Variants in TTC34 observed in about 807,000 individuals in gnomAD.
The protein encoded by TTC34 is tetratricopeptide repeat domain 34.
A neutral mutation model predicts 40.7 loss-of-function variants in TTC34; 44 were observed. The observed-to-expected ratio is 1.08, with a 90% CI of 0.85 to 1.39. The LOEUF (loss-of-function observed/expected upper bound fraction) is 1.39, where lower values mean the gene tolerates loss of function less well. Among genes scored for constraint, TTC34 ranks in the 40% most tolerant of loss-of-function variants. The pLI, the probability that TTC34 is intolerant of heterozygous loss-of-function variation, is 0.00. For synonymous variants in TTC34, 422 were observed against 398.6 expected (o/e 1.06, Z -0.70); for missense variants, 884 against 838.0 (o/e 1.05, Z -0.68).
intron 6 of TTC34, among the ~76,000 whole-genome samples, chr1:2,759,317 CCA>C (rs1641613160): frequency 8.8e-6 from 1 of 114,008 alleles, no homozygotes; most frequent in African/African-American, 3.6e-5. Flanking sequence ...GCACCCACAC[CCA>C]CAGGCGAGCA....
In TTC34 at chr1:2,796,702, A is replaced by G. The variant is rs934170437; in HGVS notation, c.784+3342T>C. Among the ~76,000 whole-genome samples the G allele has an allele frequency of 6.6e-6, 1 of 152,058 alleles. No individual in the cohort carries two copies. The highest frequency in any genetic ancestry group is 2.4e-5 in the African/African-American group (1 of 41,370). ...CCCCCTTGCTGTGGGCATGGTCCTCACCAGCCCCTGAGTGCCTGTGCTCTG... is the reference window on the plus strand; with the variant it reads ...CCCCCTTGCTGTGGGCATGGTCCTCGCCAGCCCCTGAGTGCCTGTGCTCTG... On this transcript the variant is annotated intron_variant, in intron 2 of 8. Coordinates refer to ENST00000401095, the Ensembl canonical transcript of TTC34. This position sits in a 1 kb window ranked among gnomAD's most constrained non-coding sequence, Gnocchi z 4.5.
At chr1:2,665,909 T>G (rs1438171635) in intron 6 of TTC34, among the ~76,000 whole-genome samples, 15 of 28,402 alleles carry the variant, frequency 5.3e-4, no homozygotes, top group African/African-American at 9.8e-4. Context: ...GCATCTGACA[T>G]CCTGGAGCAG....
At chr1:2,801,383 C>T (rs897326410) in intron 1 of TTC34, among the ~76,000 whole-genome samples, 194 bp downstream of exon 1, 16 of 152,026 alleles carry the variant, frequency 1.1e-4, no homozygotes, top group Admixed American at 5.2e-4. Flanking sequence ...GCCCTTGGGT[C>T]GGGGGAGCCA....
intron 3 of TTC34, among the ~76,000 whole-genome samples, chr1:2,788,812 G>C (rs1347976721): frequency 6.6e-6 from 1 of 152,192 alleles, no homozygotes; most frequent in Non-Finnish European, 1.5e-5. Context: ...TAAGAACAAA[G>C]GCCAGGCGCG....
At chr1:2,797,109 G>A (rs1643716058) in intron 2 of TTC34, among the ~76,000 whole-genome samples, 1 of 152,230 alleles carries the variant, frequency 6.6e-6, no homozygotes, top group Admixed American at 6.5e-5. Flanking sequence ...GCGGTTAGGA[G>A]CACCCCAGGG....
chr1:2,753,762 G>T (rs1279557661), intron 6 of TTC34, among the ~76,000 whole-genome samples: 6 of 96,760 alleles, frequency 6.2e-5, no homozygotes, highest in Admixed American at 1.1e-4. Context: ...CTGACAGCCT[G>T]GAACGGCACC....
intron 8 of TTC34, among the ~76,000 whole-genome samples, chr1:2,643,950 CCG>C (rs1167731646): frequency 6.6e-6 from 1 of 152,244 alleles, no homozygotes; most frequent in Non-Finnish European, 1.5e-5. Flanking sequence ...GGGCTTCCTG[CCG>C]GGCAAGGTGC....
chr1:2,666,128 A>T (rs1369109802), intron 6 of TTC34, among the ~76,000 whole-genome samples: 1 of 105,376 alleles, frequency 9.5e-6, no homozygotes, highest in Non-Finnish European at 2.1e-5. Context: ...CAGCACGCGC[A>T]AACCCAGGTG....
intron 7 of TTC34, among the ~76,000 whole-genome samples, chr1:2,644,765 G>T (rs887876414): frequency 6.6e-6 from 1 of 152,220 alleles, no homozygotes; most frequent in Admixed American, 6.5e-5. Context: ...GCCTGCTGGC[G>T]CAGAGTGGCA....
rs1639001948 is a variant in TTC34, at chr1:2,645,467, T to C, written c.2323A>G (p.Thr775Ala). Residue 775 changes from threonine to alanine, a missense_variant, in exon 7 of 9, where the codon ACA (threonine) becomes GCA (alanine). Coordinates refer to ENST00000401095, the Ensembl canonical transcript of TTC34. The surrounding 1 kb of genome is among the most constrained non-coding windows in gnomAD (Gnocchi z 4.7). The stretch of plus-strand genomic sequence containing the variant: ...CGGCAGTGGGAGTAGAGGCCCTGTG[T>C]GATGAGGGCCTGGGCTTCCGGCTTC... The C allele has an allele frequency of 6.5e-7, 1 of 1,533,414 alleles. No individual in the cohort carries two copies. The highest frequency in any genetic ancestry group is 8.7e-7 in the Non-Finnish European group (1 of 1,146,114). The allele number at this position is 1,533,414 out of a possible 1,614,324, so 95.0% of individuals were successfully genotyped here.
rs28729890 is a variant in TTC34 at position 2,691,689 on chromosome 1, C to A, written c.2227-46126G>T. 5.2e-5 allele frequency among the ~76,000 whole-genome samples: 3 copies of A among 57,172 alleles called. 1 individual carries two copies. The highest frequency in any genetic ancestry group is 5.1e-4 in the South Asian group (1 of 1,974). The allele number at this position is 57,172 out of a possible 152,430, so 37.5% of individuals were successfully genotyped here. A position where few individuals can be genotyped will look rare whatever the true frequency, so the allele number is the denominator to read the frequency against. ...CCCCAGGTGAGCATCTGACGGCCTG[C>A]AACAGCACCCACATCCCCAGGTGAG... On this transcript the variant is annotated intron_variant, in intron 6 of 8. Coordinates refer to ENST00000401095, the Ensembl canonical transcript of TTC34.
At chr1:2,649,006 C>A (rs2100208401) in intron 6 of TTC34, among the ~76,000 whole-genome samples, 1 of 151,452 alleles carries the variant, frequency 6.6e-6, no homozygotes, top group Admixed American at 6.6e-5. Flanking sequence ...CCCCCACACC[C>A]AGTTGAGCAT....
Position 2,686,725 on chromosome 1 carries a change from C to A in TTC34, c.2227-41162G>T, listed in dbSNP as rs572720468. 2.5e-4 allele frequency among the ~76,000 whole-genome samples: 37 copies of A among 145,748 alleles called. 1 individual carries two copies. The highest frequency in any genetic ancestry group is 8.2e-4 in the African/African-American group (32 of 38,968). On this transcript the variant is annotated intron_variant, in intron 6 of 8. Transcript: ENST00000401095. ...ACAGCCTGGAACAGCACACACACCC[C>A]CAGGCGAGCATCTGACAGCCTGGAA...
intron 6 of TTC34, among the ~76,000 whole-genome samples, chr1:2,684,917 C>A (rs199551620): frequency 3.2e-5 from 4 of 126,798 alleles, no homozygotes; most frequent in East Asian, 2.3e-4. Context: ...GCACCCTGCA[C>A]ACCCAGGTGA....
chr1:2,769,590 C>A (rs1641970940), intron 6 of TTC34, among the ~76,000 whole-genome samples: 1 of 133,318 alleles, frequency 7.5e-6, no homozygotes, highest in Non-Finnish European at 1.5e-5. Context: ...CACCCCACAC[C>A]TCCAGGGGGA....
At chr1:2,695,035 C>A (rs886604017) in intron 6 of TTC34, among the ~76,000 whole-genome samples, 3 of 151,912 alleles carry the variant, frequency 2.0e-5, no homozygotes, top group African/African-American at 4.8e-5. Context: ...ACCCTGCACC[C>A]CCAGGTGAGC....
chr1:2,785,357 C>T (rs1394275999), intron 5 of TTC34, among the ~76,000 whole-genome samples: 1 of 152,180 alleles, frequency 6.6e-6, no homozygotes, highest in African/African-American at 2.4e-5. Context: ...ACACCTGGCC[C>T]CCCAACCCCA....
chr1:2,798,706 CCAGCCTCT>C (rs1643738057), intron 2 of TTC34, among the ~76,000 whole-genome samples: 1 of 131,114 alleles, frequency 7.6e-6, no homozygotes, highest in Non-Finnish European at 1.6e-5. Flanking sequence ...CCCCAGCGTC[CCAGCCTCT>C]CAGCCTCTCA....
intron 6 of TTC34, among the ~76,000 whole-genome samples, chr1:2,753,033 C>A (rs1641376793): frequency 1.8e-4 from 27 of 150,520 alleles, no homozygotes; most frequent in African/African-American, 6.4e-4. Flanking sequence ...GAGCATCCGA[C>A]AGCCTGGAGC....
Sources: gnomAD v4.1 joint callset for allele counts (sites outside exome capture counted in the v4.1 genomes callset) on GRCh38, gnomAD v4.1.1 for gene constraint, Gnocchi (gnomAD v3.1) non-coding constraint, MANE v1.5 for transcripts, NCBI Gene and HGNC (gene_info 2026-07-23, HGNC 2026-07-21) for gene names.